COL5A3: variants seen among roughly 807,000 people sequenced by gnomAD.
COL5A3 encodes collagen alpha-3(V) chain.
COL5A3 carries 172 observed loss-of-function variants against 250.0 expected under a neutral mutation model. The ratio of observed to expected loss-of-function variants is 0.69; its 90% CI spans 0.61 to 0.78. The LOEUF is 0.78. COL5A3 is among the 30% of genes least tolerant of loss of function. COL5A3 has a pLI of 0.00. For synonymous variants in COL5A3, 937 were observed against 900.4 expected (o/e 1.04, Z -0.73); for missense variants, 2,340 against 2,334.4 (o/e 1.00, Z -0.05).
intron 31 of COL5A3, among the ~76,000 whole-genome samples, chr19:9,982,321 T>G (rs1371892549): frequency 6.6e-6 from 1 of 152,060 alleles, no homozygotes; most frequent in East Asian, 1.9e-4. Context: ...TGCAGCCCTT[T>G]GCACTGGCTG....
chr19:9,968,644 G>A lies in COL5A3; in HGVS notation c.4206+31C>T. On this transcript the variant is annotated intron_variant, in intron 58 of 66. Transcript: ENST00000264828. This position sits in a 1 kb window ranked among gnomAD's most constrained non-coding sequence, Gnocchi z 4.1. ...GAGGGAGGGAAAGAGGGGAGGAGAT[G>A]GGGAAGAGAATAATGGAATGATGTC... 2 of 1,606,702 alleles carry A rather than the reference G, an allele frequency of 1.2e-6. No individual in the cohort carries two copies. Among genetic ancestry groups the A allele is most frequent in the Non-Finnish European group, 1.7e-6 (2 of 1,175,880 alleles).
chr19:9,996,013 TC>T, intron 15 of COL5A3, 52 bp downstream of exon 15: 1 of 1,461,364 alleles, frequency 6.8e-7, no homozygotes, highest in South Asian at 1.5e-5. Flanking sequence ...TATCTTGTGG[TC>T]CTGGGGGAAG....
At chr19:9,985,149 C>T (rs1182057628) in intron 31 of COL5A3, among the ~76,000 whole-genome samples, 1 of 151,718 alleles carries the variant, frequency 6.6e-6, no homozygotes, top group Non-Finnish European at 1.5e-5. Context: ...CAGGGTTTTA[C>T]CATGTTGGCC....
At position 9,960,289 on chromosome 19, in the gene COL5A3, C is replaced by T. The variant is rs188181882; in HGVS notation, c.*122G>A. 1.6e-3 allele frequency: 1,936 copies of T among 1,199,024 alleles called. 4 individuals are homozygous for T. The highest frequency in any genetic ancestry group is 2.1e-3 in the Non-Finnish European group (1,793 of 848,126). The allele number at this position is 1,199,024 out of a possible 1,614,324, so 74.3% of individuals were successfully genotyped here. A position where few individuals can be genotyped will look rare whatever the true frequency, so the allele number is the denominator to read the frequency against. The stretch of plus-strand genomic sequence containing the variant: ...AGAAGGAATGACTGTCCGTGATGAG[C>T]GAAGTCACATCCCATTGGCTCCATA... On this transcript the variant is annotated 3_prime_UTR_variant, in exon 67 of 67. Transcript: ENST00000264828.
At chr19:9,997,574 A>AC in intron 10 of COL5A3, 141 bp from the exon 11 acceptor site, 2 of 606,570 alleles carry the variant, frequency 3.3e-6, no homozygotes, top group Non-Finnish European at 5.8e-6. Flanking sequence ...TGCAATACTG[A>AC]CCCCCACTCA....
intron 31 of COL5A3, among the ~76,000 whole-genome samples, chr19:9,982,547 T>A (rs1419571044): frequency 6.6e-6 from 1 of 152,226 alleles, no homozygotes; most frequent in Non-Finnish European, 1.5e-5. Context: ...ATTTATTCAA[T>A]GCCTGTTTTC....
intron 8 of COL5A3, among the ~76,000 whole-genome samples, chr19:9,999,065 T>C (rs2145133483): frequency 6.6e-6 from 1 of 151,942 alleles, no homozygotes; most frequent in South Asian, 2.1e-4. Context: ...TTTTTCTTTC[T>C]TCTTTCTTTT....
chr19:9,992,390 C>T (rs1419707755), intron 21 of COL5A3, among the ~76,000 whole-genome samples: 2 of 149,944 alleles, frequency 1.3e-5, no homozygotes, highest in Non-Finnish European at 3.0e-5. Flanking sequence ...GCCTGGGCAA[C>T]AAGAGCAAAA....
rs1282962078 is a variant in COL5A3, at chr19:9,960,430, G to A, written c.5219C>T (p.Pro1740Leu). The A allele has an allele frequency of 6.2e-7, 1 of 1,614,058 alleles. No homozygotes were observed. The highest frequency in any genetic ancestry group is 1.3e-5 in the African/African-American group (1 of 74,932). Residue 1740 changes from proline to leucine, a missense_variant, in exon 67 of 67, where the codon CCC becomes CTC. Physicochemically the swap from Pro to Leu is moderately conservative, Grantham distance 98 (BLOSUM62 -3). Coordinates refer to ENST00000264828, the MANE Select transcript of COL5A3 (RefSeq NM_015719.4). Reference protein sequence around the residue: ...TNQKFGFELGPVCFSS With the variant: ...TNQKFGFELGLVCFSS ...ACACTCTCAGCTGCTGAAGCAGACG[G>A]GGCCCAGTTCAAACCCAAACTTTTG... is the stretch of plus-strand genomic sequence containing the variant.
In COL5A3 at chr19:9,974,222, C is replaced by A; in HGVS notation, c.3453G>T (p.Gly1151=). The A allele has an allele frequency of 1.2e-6, 2 of 1,613,954 alleles. No homozygotes were observed. Among genetic ancestry groups the A allele is most frequent in the Middle Eastern group, 1.7e-4 (1 of 6,060 alleles). ...CTTTCTCTCCCGGAGGGCCTGGCAGCCCCTGTGGAACAAAGAAGCAAGATT... is the reference window on the plus strand; with the variant it reads ...CTTTCTCTCCCGGAGGGCCTGGCAGACCCTGTGGAACAAAGAAGCAAGATT... The part of the protein sequence containing the change: ...VGVIGPPGLQ[G]LPGPPGEKGE... Residue 1151 remains glycine, a splice_region_variant and synonymous_variant, in exon 47 of 67, where the codon GGG becomes GGT. Coordinates refer to ENST00000264828, the MANE Select transcript of COL5A3 (RefSeq NM_015719.4).
chr19:9,986,117 A>G (rs1315487496), intron 30 of COL5A3, among the ~76,000 whole-genome samples, 198 bp downstream of exon 30: 2 of 152,194 alleles, frequency 1.3e-5, no homozygotes, highest in Non-Finnish European at 2.9e-5. Flanking sequence ...GAAAATGCCT[A>G]TTGCATGTGG....
intron 1 of COL5A3, among the ~76,000 whole-genome samples, chr19:10,007,725 C>T (rs537740509): frequency 1.3e-5 from 2 of 152,172 alleles, no homozygotes; most frequent in African/African-American, 4.8e-5. Flanking sequence ...TGGGGAGGCA[C>T]GGGCTTGGAT....
intron 45 of COL5A3, among the ~76,000 whole-genome samples, chr19:9,975,061 CTTT>C (rs5827078): frequency 4.5e-4 from 57 of 126,850 alleles, no homozygotes; most frequent in African/African-American, 1.3e-3. Flanking sequence ...CTGTGCCTGG[CTTT>C]TTTTTTTTTT....
Position 9,969,581 on chromosome 19 carries a change from G to A in COL5A3, c.4092C>T (p.Gly1364=), listed in dbSNP as rs1429970241. The A allele has an allele frequency of 6.2e-7, 1 of 1,610,784 alleles. No homozygotes were observed. Among genetic ancestry groups the A allele is most frequent in the South Asian group, 1.1e-5 (1 of 90,808 alleles). ...VGPEGLRGIP[G]PVGEPGLLGA... ...CCTGCCCCGCTCCACTCACCACAGGGCCAGGGATCCCTCGAAGACCCTCAG... is the reference window on the plus strand; with the variant it reads ...CCTGCCCCGCTCCACTCACCACAGGACCAGGGATCCCTCGAAGACCCTCAG... The change falls in exon 56 of 67, where the codon GGC becomes GGT. Residue 1364 remains glycine, a synonymous_variant. Coordinates refer to ENST00000264828, the MANE Select transcript of COL5A3 (RefSeq NM_015719.4).
At chr19:10,003,148 C>T (rs1045382671) in intron 6 of COL5A3, among the ~76,000 whole-genome samples, 20 of 152,154 alleles carry the variant, frequency 1.3e-4, no homozygotes, top group African/African-American at 4.8e-4. Flanking sequence ...TCCCCAGTGA[C>T]CCCAAGCAGG....
chr19:9,996,177 C>A, intron 14 of COL5A3, 29 bp downstream of exon 14: 1 of 1,556,122 alleles, frequency 6.4e-7, no homozygotes, highest in East Asian at 2.3e-5. Flanking sequence ...ATGCATGCAC[C>A]GCCCCCTCCA....
Position 9,977,394 on chromosome 19 carries a change from C to T in COL5A3, c.3205G>A (p.Ala1069Thr), listed in dbSNP as rs2086938146. The T allele has an allele frequency of 6.3e-7, 1 of 1,575,892 alleles. No homozygotes were observed. Among genetic ancestry groups the T allele is most frequent in the South Asian group, 1.2e-5 (1 of 85,444 alleles). The change falls in exon 43 of 67, where the codon GCT becomes ACT. Residue 1069 changes from alanine (A) to threonine (T), a missense_variant. By Grantham distance (58) the Ala-to-Thr change is moderately conservative (BLOSUM62 0). Around this residue, in one of 3 missense-constraint regions of COL5A3, gnomAD observed 1,179 missense variants for 1,162.6 expected, o/e 1.01. Transcript: ENST00000264828. ...TCCCCTTCCTCGCCAGAAGGCCCAG[C>T]AGCTCCAGGGGGTCCCAGAGGCCCC... ...PLGPLGPPGAAGPSGEEGDKG... is the reference protein window; with the variant it reads ...PLGPLGPPGATGPSGEEGDKG...
At position 9,981,393 on chromosome 19, in the gene COL5A3, C is replaced by T. The variant is rs1439802514; in HGVS notation, c.2461-261G>A. On this transcript the variant is annotated intron_variant, in intron 32 of 66. Coordinates refer to ENST00000264828, the MANE Select transcript of COL5A3 (RefSeq NM_015719.4). The stretch of plus-strand genomic sequence containing the variant: ...TTGCCCACAAGACATATATTGATCA[C>T]AGCTGTGCAGTATGCATACATGATT... Among the ~76,000 whole-genome samples, 3 of 152,180 alleles carry T rather than the reference C, an allele frequency of 2.0e-5. No individual in the cohort carries two copies. In the East Asian group the frequency reaches 5.8e-4, roughly 29 times the overall value.
chr19:10,009,895 A>C lies in COL5A3; in HGVS notation c.88+403T>G, dbSNP rs889125. Among the ~76,000 whole-genome samples the C allele has an allele frequency of 0.15, 23,351 of 151,992 alleles. 1,922 individuals carry two copies. The highest frequency in any genetic ancestry group is 0.23 in the Middle Eastern group (69 of 294). ...CCTCGAAAATCAGCACATAGACAAG[A>C]GCACAAGTGCATACTCACCTGTCGC... On this transcript the variant is annotated intron_variant, in intron 1 of 66. Transcript: ENST00000264828. The surrounding 1 kb of genome is among the most constrained non-coding windows in gnomAD (Gnocchi z 4.4).
Sources: allele counts gnomAD v4.1 joint callset (sites outside exome capture counted in the v4.1 genomes callset), GRCh38; gene constraint gnomAD v4.1.1; regional missense constraint gnomAD v4.1.1; non-coding constraint Gnocchi (gnomAD v3.1); transcripts MANE v1.5; gene names NCBI Gene and HGNC (gene_info 2026-07-23, HGNC 2026-07-21).